The following DLC1 variants were observed in gnomAD, a reference collection of about 807,000 sequenced individuals.
DLC1 encodes rho GTPase-activating protein 7.
In DLC1, 54 loss-of-function variants were observed where a neutral mutation model predicts 140.3. The ratio of observed to expected loss-of-function variants is 0.38; its 90% CI spans 0.31 to 0.48. DLC1 has a LOEUF of 0.48. Ranked by LOEUF, DLC1 falls within the 20% of genes least tolerant of loss-of-function variation. DLC1 has a pLI of 0.96. For synonymous variants in DLC1, 986 were observed against 728.1 expected (o/e 1.35, Z -5.70); for missense variants, 2,536 against 1,907.0 (o/e 1.33, Z -6.14).
At chr8:13,199,226 C>G (rs1298128195) in intron 5 of DLC1, among the ~76,000 whole-genome samples, 1 of 117,928 alleles carries the variant, frequency 8.5e-6, no homozygotes, top group African/African-American at 3.3e-5. Flanking sequence ...GCTGTGTTGT[C>G]CAAGGTAGAG....
chr8:13,370,862 A>G (rs1324399833), intron 4 of DLC1, among the ~76,000 whole-genome samples: 1 of 152,092 alleles, frequency 6.6e-6, no homozygotes, highest in Non-Finnish European at 1.5e-5. Flanking sequence ...CTAGCTTAGG[A>G]CGAGTGGATC....
chr8:13,542,464 C>G (rs941228425), intron 1 of DLC1, among the ~76,000 whole-genome samples: 2 of 152,008 alleles, frequency 1.3e-5, no homozygotes, highest in African/African-American at 2.4e-5. Context: ...TATATTAAGT[C>G]TGATTTTTTT....
At chr8:13,580,400 C>A (rs1380465357) in intron 1 of DLC1, among the ~76,000 whole-genome samples, 1 of 152,160 alleles carries the variant, frequency 6.6e-6, no homozygotes, top group Non-Finnish European at 1.5e-5. Flanking sequence ...GGATTACAGG[C>A]GTGAGCCACC....
At chr8:13,387,517 C>G (rs1453326187) in intron 4 of DLC1, among the ~76,000 whole-genome samples, 1 of 151,646 alleles carries the variant, frequency 6.6e-6, no homozygotes, top group African/African-American at 2.4e-5. Flanking sequence ...CATTACCTCT[C>G]ACTAATATAT....
intron 1 of DLC1, among the ~76,000 whole-genome samples, chr8:13,528,897 T>G (rs1803004476): frequency 6.6e-6 from 1 of 152,180 alleles, no homozygotes; most frequent in Non-Finnish European, 1.5e-5. Context: ...TGTACAACAG[T>G]GAAGCCAATC....
At chr8:13,204,377 C>T (rs1374171874) in intron 5 of DLC1, among the ~76,000 whole-genome samples, 1 of 152,096 alleles carries the variant, frequency 6.6e-6, no homozygotes, top group Non-Finnish European at 1.5e-5. Flanking sequence ...TAATGAGAAC[C>T]GCTATCATAG....
intron 2 of DLC1, among the ~76,000 whole-genome samples, chr8:13,441,565 A>G (rs902151589): frequency 6.6e-6 from 1 of 152,054 alleles, no homozygotes; most frequent in Non-Finnish European, 1.5e-5. Context: ...TACACCAATA[A>G]CAGACAAACA....
At chr8:13,514,573 A>G (rs369795616) in intron 1 of DLC1, 29 bp downstream of exon 1, 245 of 398,514 alleles carry the variant, frequency 6.1e-4, no homozygotes, top group Middle Eastern at 3.8e-3. Context: ...GACCGCCTCA[A>G]AGCATAAAGA....
chr8:13,460,680 A>T (rs79362208), intron 2 of DLC1, among the ~76,000 whole-genome samples: 2,359 of 152,322 alleles, frequency 0.015, 64 homozygotes, highest in African/African-American at 0.049. Flanking sequence ...AGGGACGCAG[A>T]TAGACACTTC....
At chr8:13,537,371 C>T (rs190331756) in intron 1 of DLC1, among the ~76,000 whole-genome samples, 2 of 152,304 alleles carry the variant, frequency 1.3e-5, no homozygotes, top group East Asian at 3.9e-4. Flanking sequence ...GCGTATGACT[C>T]TCACTGAGTG....
At chr8:13,597,144 A>C (rs752262150) in intron 1 of DLC1, among the ~76,000 whole-genome samples, 2 of 152,000 alleles carry the variant, frequency 1.3e-5, no homozygotes, top group African/African-American at 2.4e-5. Context: ...GCAGTTTAGG[A>C]GCCAAAATTC....
chr8:13,238,367 G>T (rs887648212), intron 5 of DLC1, among the ~76,000 whole-genome samples: 4 of 152,158 alleles, frequency 2.6e-5, no homozygotes, highest in African/African-American at 9.6e-5. Context: ...ACAAAAAATA[G>T]CTGGGCATGG....
At chr8:13,306,202 G>T (rs1832418617) in intron 4 of DLC1, among the ~76,000 whole-genome samples, 1 of 152,170 alleles carries the variant, frequency 6.6e-6, no homozygotes, top group South Asian at 2.1e-4. Flanking sequence ...TGACTGATGT[G>T]AAAGATTTAG....
chr8:13,133,222 A>T (rs1179014141), intron 5 of DLC1: 3 of 1,415,980 alleles, frequency 2.1e-6, no homozygotes, highest in Non-Finnish European at 2.8e-6. Context: ...GGCGCTCCTG[A>T]TGCGGAGAGG....
intron 4 of DLC1, among the ~76,000 whole-genome samples, chr8:13,375,639 G>T (rs575629529): frequency 2.6e-4 from 40 of 152,258 alleles, no homozygotes; most frequent in Non-Finnish European, 5.4e-4. Context: ...GATATTGGCT[G>T]TGGGTCTGTC....
chr8:13,375,764 CATTT>C (rs55687707), intron 4 of DLC1, among the ~76,000 whole-genome samples: 20,614 of 151,764 alleles, frequency 0.14, 1,540 homozygotes, highest in Non-Finnish European at 0.17. Context: ...AGAAAGGAAT[CATTT>C]ATATTTGTCA....
At chr8:13,458,430 TTTTTTTGGAGCC>T (rs1388128233) in intron 2 of DLC1, among the ~76,000 whole-genome samples, 1 of 152,202 alleles carries the variant, frequency 6.6e-6, no homozygotes, top group Non-Finnish European at 1.5e-5. Context: ...GAAGTTTTGA[TTTTTTTGGAGCC>T]TTGGTAAGAT....
chr8:13,329,396 T>C (rs1833497289), intron 4 of DLC1, among the ~76,000 whole-genome samples: 1 of 152,178 alleles, frequency 6.6e-6, no homozygotes, highest in Non-Finnish European at 1.5e-5. Flanking sequence ...TTTACTAGGA[T>C]ATATCCCTGT....
At chr8:13,511,311 A>G (rs151187692) in intron 1 of DLC1, among the ~76,000 whole-genome samples, 80 of 86,170 alleles carry the variant, frequency 9.3e-4, no homozygotes, top group African/African-American at 3.7e-3. Context: ...TGCTGTTTAC[A>G]TTATCTTTCA....
Sources: gnomAD v4.1 joint callset for allele counts (sites outside exome capture counted in the v4.1 genomes callset) on GRCh38, gnomAD v4.1.1 for gene constraint, MANE v1.5 for transcripts, NCBI Gene and HGNC (gene_info 2026-07-23, HGNC 2026-07-21) for gene names.